Variants in GPC5 observed in about 807,000 individuals in gnomAD.
The protein encoded by GPC5 is glypican-5.
A neutral mutation model predicts 53.9 loss-of-function variants in GPC5; 47 were observed. The observed-to-expected ratio is 0.87, with a 90% confidence interval of 0.69 to 1.11. The LOEUF is 1.11. Ranked by LOEUF, GPC5 falls within the 50% of genes most tolerant of loss-of-function variation. The probability of loss-of-function intolerance (pLI) is 0.00; values close to 1 mark genes in which losing one functional copy is unlikely to be tolerated. For missense variants in GPC5, 748 were observed against 713.1 expected, an observed-to-expected ratio of 1.05 and a Z score of -0.56; for synonymous variants, 286 against 263.3, an observed-to-expected ratio of 1.09 and a Z score of -0.84.
intron 2 of GPC5, among the ~76,000 whole-genome samples, chr13:91,560,804 G>A (rs1313100888): frequency 6.6e-6 from 1 of 151,824 alleles, no homozygotes; most frequent in African/African-American, 2.4e-5. Context: ...AAAATCTGAA[G>A]AACCAGTAGC....
intron 7 of GPC5, among the ~76,000 whole-genome samples, chr13:92,153,779 C>G (rs546656324): frequency 6.6e-6 from 1 of 152,288 alleles, no homozygotes; most frequent in Non-Finnish European, 1.5e-5. Flanking sequence ...CTTTTCTTCA[C>G]GTTCACTGAT....
chr13:92,241,445 T>C (rs933626122), intron 7 of GPC5: 8 of 152,152 alleles, frequency 5.3e-5, no homozygotes, highest in African/African-American at 1.7e-4. Flanking sequence ...ATTTCAGAGT[T>C]TTAGCAGTTC....
chr13:92,659,821 A>G (rs1287808821), intron 7 of GPC5, among the ~76,000 whole-genome samples: 1 of 152,204 alleles, frequency 6.6e-6, no homozygotes, highest in Non-Finnish European at 1.5e-5. Context: ...GTGATAGCTG[A>G]TCTGGGATAT....
intron 7 of GPC5, among the ~76,000 whole-genome samples, chr13:92,391,013 T>C (rs577803826): frequency 1.3e-5 from 2 of 152,268 alleles, no homozygotes; most frequent in South Asian, 4.1e-4. Context: ...TATGAAATTA[T>C]ACAAGAAATT....
chr13:92,715,654 A>C (rs944845844), intron 7 of GPC5, among the ~76,000 whole-genome samples: 1 of 152,164 alleles, frequency 6.6e-6, no homozygotes, highest in Non-Finnish European at 1.5e-5. Flanking sequence ...AATTTTCTCA[A>C]CTCTGGAGAA....
chr13:91,911,125 A>G (rs2039605947), intron 6 of GPC5, among the ~76,000 whole-genome samples: 1 of 152,226 alleles, frequency 6.6e-6, no homozygotes, highest in African/African-American at 2.4e-5. Context: ...ACAGAAGGCC[A>G]TGCAGCTAAA....
chr13:92,559,085 C>T (rs1300077940), intron 7 of GPC5, among the ~76,000 whole-genome samples: 3 of 151,938 alleles, frequency 2.0e-5, no homozygotes, highest in Admixed American at 1.3e-4. Flanking sequence ...GACCAATGCC[C>T]ACCCTTGGTG....
At chr13:91,635,240 A>G (rs2034258349) in intron 2 of GPC5, among the ~76,000 whole-genome samples, 1 of 152,136 alleles carries the variant, frequency 6.6e-6, no homozygotes, top group East Asian at 1.9e-4. Flanking sequence ...GAAGCCTAAT[A>G]TAAACTCATG....
At chr13:92,010,631 C>G (rs905409036) in intron 6 of GPC5, among the ~76,000 whole-genome samples, 1 of 152,068 alleles carries the variant, frequency 6.6e-6, no homozygotes, top group African/African-American at 2.4e-5. Context: ...GACTGGTATC[C>G]TTATAAGAAG....
chr13:91,798,104 G>A (rs1431249039), intron 5 of GPC5, among the ~76,000 whole-genome samples: 1 of 152,144 alleles, frequency 6.6e-6, no homozygotes, highest in African/African-American at 2.4e-5. Flanking sequence ...CCCAGGAAGG[G>A]AAATAAGATG....
chr13:92,723,329 T>C (rs1294438299), intron 7 of GPC5, among the ~76,000 whole-genome samples: 1 of 36,364 alleles, frequency 2.7e-5, no homozygotes, highest in African/African-American at 1.3e-4. Flanking sequence ...GAATAACACT[T>C]TCTTCTTTGT....
At chr13:91,403,330 T>C (rs1470560587) in intron 1 of GPC5, among the ~76,000 whole-genome samples, 1 of 152,200 alleles carries the variant, frequency 6.6e-6, no homozygotes, top group Non-Finnish European at 1.5e-5. Flanking sequence ...CTGGAGAGTT[T>C]GGTAGTAGGT....
At chr13:92,422,946 G>C (rs572094193) in intron 7 of GPC5, among the ~76,000 whole-genome samples, 1 of 152,306 alleles carries the variant, frequency 6.6e-6, no homozygotes, top group South Asian at 2.1e-4. Flanking sequence ...CCTTCAGGCT[G>C]TTTTAACAAA....
At chr13:91,761,659 T>A (rs779214387) in intron 5 of GPC5, among the ~76,000 whole-genome samples, 2 of 152,146 alleles carry the variant, frequency 1.3e-5, no homozygotes, top group African/African-American at 2.4e-5. Flanking sequence ...AGGCTACAGA[T>A]GAAGAGATGC....
At chr13:92,640,553 C>A (rs1227630841) in intron 7 of GPC5, among the ~76,000 whole-genome samples, 2 of 152,288 alleles carry the variant, frequency 1.3e-5, no homozygotes, top group Non-Finnish European at 2.9e-5. Flanking sequence ...AGCCACTACG[C>A]CCGGCCCCAG....
intron 7 of GPC5, among the ~76,000 whole-genome samples, chr13:92,607,526 C>A (rs561529917): frequency 3.9e-5 from 6 of 152,176 alleles, no homozygotes; most frequent in South Asian, 4.1e-4. Context: ...TTCCTTCTCC[C>A]TCTAATGGAA....
intron 7 of GPC5, among the ~76,000 whole-genome samples, chr13:92,304,600 T>C (rs1013375574): frequency 6.6e-6 from 1 of 152,164 alleles, no homozygotes; most frequent in Non-Finnish European, 1.5e-5. Flanking sequence ...TATTGCTTAT[T>C]GTGAAGATAA....
intron 7 of GPC5, among the ~76,000 whole-genome samples, chr13:92,293,051 C>T (rs893086148): frequency 7.2e-5 from 11 of 151,934 alleles, no homozygotes; most frequent in African/African-American, 2.7e-4. Flanking sequence ...CAGTACCATG[C>T]TGTTTTGGTG....
rs557756958 is a variant in GPC5, at chr13:91,656,342, A to G, written c.326-36845A>G. On this transcript the variant is annotated intron_variant, in intron 2 of 7. Coordinates refer to ENST00000377067, the MANE Select transcript of GPC5 (RefSeq NM_004466.6). ...TGAATGGCAAGCAATGATTTACCAAATAAACTGCTATTCAAGAATGTATCC... is the reference window on the plus strand; with the variant it reads ...TGAATGGCAAGCAATGATTTACCAAGTAAACTGCTATTCAAGAATGTATCC... Among the ~76,000 whole-genome samples, 14 of 152,306 alleles carry G rather than the reference A, an allele frequency of 9.2e-5. No homozygotes were observed. The South Asian group carries it at 2.9e-3, about 32-fold the overall frequency.
Sources: gnomAD v4.1 joint callset for allele counts (sites outside exome capture counted in the v4.1 genomes callset) on GRCh38, gnomAD v4.1.1 for gene constraint, MANE v1.5 for transcripts, NCBI Gene and HGNC (gene_info 2026-07-23, HGNC 2026-07-21) for gene names.